The following SPRED2 variants were observed in gnomAD, a reference collection of about 807,000 sequenced individuals.
SPRED2 encodes sprouty-related, EVH1 domain-containing protein 2.
Under a neutral mutation model 43.0 loss-of-function variants are expected in SPRED2, and 47 were observed. That is an observed-to-expected ratio of 1.09 (90% CI 0.87 to 1.40). The LOEUF is 1.40. Ranked by LOEUF, SPRED2 falls within the 40% of genes most tolerant of loss-of-function variation. The pLI is 0.00. For missense variants in SPRED2, 561 were observed against 586.4 expected, an observed-to-expected ratio of 0.96 and a Z score of 0.45; for synonymous variants, 225 against 225.7, an observed-to-expected ratio of 1.00 and a Z score of 0.03.
At chr2:65,413,461 G>C (rs1414592335) in intron 1 of SPRED2, among the ~76,000 whole-genome samples, 1 of 152,204 alleles carries the variant, frequency 6.6e-6, no homozygotes, top group Non-Finnish European at 1.5e-5. Flanking sequence ...CCAGGATAAT[G>C]TTTGGCCAAC....
In SPRED2 at chr2:65,378,600, T is replaced by C. The variant is rs138366939; in HGVS notation, c.27-33704A>G. On this transcript the variant is annotated intron_variant, in intron 1 of 5. Coordinates refer to ENST00000356388, the MANE Select transcript of SPRED2 (RefSeq NM_181784.3). Reference sequence around the variant, plus strand: ...CTATATGCCACTGAGACCTCACTAGTGACCAGAACAGGCAGTGTGGCCCCA... The same window carrying C: ...CTATATGCCACTGAGACCTCACTAGCGACCAGAACAGGCAGTGTGGCCCCA... Among the ~76,000 whole-genome samples the C allele has an allele frequency of 1.6e-3, 237 of 152,320 alleles. 2 individuals are homozygous for C. In the East Asian group the frequency reaches 0.044, roughly 28 times the overall value.
At chr2:65,416,772 T>C (rs553134716) in intron 1 of SPRED2, among the ~76,000 whole-genome samples, 2 of 152,268 alleles carry the variant, frequency 1.3e-5, no homozygotes, top group Admixed American at 6.5e-5. Context: ...CTGTGGGACC[T>C]TGGGCTCTCC....
chr2:65,422,343 T>G (rs746917581), intron 1 of SPRED2, among the ~76,000 whole-genome samples: 1 of 152,046 alleles, frequency 6.6e-6, no homozygotes, highest in Non-Finnish European at 1.5e-5. Flanking sequence ...GGAAAACAAC[T>G]CTAGTTAGTA....
Position 65,314,130 on chromosome 2 carries a change from C to T in SPRED2, c.628G>A (p.Asp210Asn), listed in dbSNP as rs1171746264. The T allele has an allele frequency of 1.9e-6, 3 of 1,603,658 alleles. No individual in the cohort carries two copies. The highest frequency in any genetic ancestry group is 2.2e-5 in the South Asian group (2 of 90,770). Residue 210 changes from aspartate (D) to asparagine (N), a missense_variant, in exon 6 of 6, where the codon GAC (aspartate) becomes AAC (asparagine). By Grantham distance (23) the Asp-to-Asn change is conservative. This residue lies in a region of SPRED2 where 305 missense variants were observed against 282.4 expected (regional missense o/e 1.08). Transcript: ENST00000356388. The part of the protein sequence containing the change: ...RPYRQVSFPD[D>N]DEEIVRINPR... ...TTGATGCGCACGATCTCCTCGTCGT[C>T]GTCCGGGAAGCTCACCTGGCGGTAG... is the stretch of plus-strand genomic sequence containing the variant.
intron 1 of SPRED2, among the ~76,000 whole-genome samples, chr2:65,422,038 A>AT (rs1676435801): frequency 6.7e-6 from 1 of 149,730 alleles, no homozygotes; most frequent in Non-Finnish European, 1.5e-5. Flanking sequence ...GGTTGGACAT[A>AT]TTCCATCCAT....
intron 1 of SPRED2, among the ~76,000 whole-genome samples, chr2:65,401,484 T>C (rs72824316): frequency 0.015 from 2,264 of 151,928 alleles, 69 homozygotes; most frequent in East Asian, 0.078. Context: ...GTACAAAGAC[T>C]TATAAGTAGT....
At chr2:65,407,353 G>A (rs1302485585) in intron 1 of SPRED2, among the ~76,000 whole-genome samples, 2 of 149,942 alleles carry the variant, frequency 1.3e-5, no homozygotes, top group African/African-American at 4.9e-5. Context: ...AGGAAACTGA[G>A]GTGGCTGCAG....
intron 1 of SPRED2, among the ~76,000 whole-genome samples, chr2:65,395,959 A>G (rs755148055): frequency 3.9e-5 from 6 of 151,956 alleles, no homozygotes; most frequent in African/African-American, 2.4e-5. Context: ...TTTCTCTTCA[A>G]ATATCTTTTG....
intron 1 of SPRED2, among the ~76,000 whole-genome samples, chr2:65,358,245 C>T (rs77035211): frequency 0.019 from 2,900 of 152,106 alleles, 82 homozygotes; most frequent in African/African-American, 0.066. Flanking sequence ...TTTGAAAAAG[C>T]AAGAAAATGA....
intron 4 of SPRED2, among the ~76,000 whole-genome samples, chr2:65,327,936 C>G (rs142828630): frequency 6.6e-6 from 1 of 151,804 alleles, no homozygotes; most frequent in African/African-American, 2.4e-5. Flanking sequence ...GTTGGCCAGG[C>G]TGGTCTTGAA....
chr2:65,322,590 G>A (rs1673465393), intron 4 of SPRED2, among the ~76,000 whole-genome samples: 1 of 152,044 alleles, frequency 6.6e-6, no homozygotes, highest in Admixed American at 6.6e-5. Flanking sequence ...ACCGTGCCCG[G>A]CCTCCTTTCC....
At chr2:65,421,678 C>A (rs554923500) in intron 1 of SPRED2, among the ~76,000 whole-genome samples, 4 of 152,124 alleles carry the variant, frequency 2.6e-5, no homozygotes, top group Non-Finnish European at 5.9e-5. Context: ...TATCTCAGTA[C>A]AGAAAAGGCC....
chr2:65,338,303 CG>C lies in SPRED2; in HGVS notation c.205-3531del, dbSNP rs1411376017. 9.5e-5 allele frequency among the ~76,000 whole-genome samples: 9 copies of C among 94,576 alleles called. 1 individual carries two copies. The highest frequency in any genetic ancestry group is 1.7e-4 in the Non-Finnish European group (7 of 42,098). 62.0% of individuals were successfully genotyped at this position (94,576 alleles called of 152,430 possible). A position where few individuals can be genotyped will look rare whatever the true frequency, so the allele number is the denominator to read the frequency against. ...CTCTCCCGTCTCCCTCTCCCTCTCC[CG>C]TCTCCCTCTCCCTCTCCTTTCCACG... On this transcript the variant is annotated intron_variant, in intron 2 of 5. Coordinates refer to ENST00000356388, the MANE Select transcript of SPRED2 (RefSeq NM_181784.3).
chr2:65,377,865 A>T (rs1041011406), intron 1 of SPRED2: 11 of 371,486 alleles, frequency 3.0e-5, no homozygotes, highest in African/African-American at 2.1e-4. Flanking sequence ...AGGAAATTCT[A>T]AGCTGTCCAC....
At chr2:65,368,180 C>T (rs1353651486) in intron 1 of SPRED2, among the ~76,000 whole-genome samples, 1 of 152,182 alleles carries the variant, frequency 6.6e-6, no homozygotes, top group Non-Finnish European at 1.5e-5. Context: ...AGGTTCACAC[C>T]TCAGCAAACA....
At chr2:65,431,930 G>A (rs1369970917) in intron 1 of SPRED2, 32 bp downstream of exon 1, 2 of 1,613,228 alleles carry the variant, frequency 1.2e-6, no homozygotes, top group Admixed American at 1.7e-5. Context: ...CCCCTGAGGG[G>A]CACCCTCGTC....
At chr2:65,377,726 C>T (rs1224270975) in intron 1 of SPRED2, 1 of 471,126 alleles carries the variant, frequency 2.1e-6, no homozygotes. Context: ...GTTGGCTGGT[C>T]CTTCCATCAG....
At chr2:65,308,090 T>TG (rs1446399608), downstream of SPRED2, among the ~76,000 whole-genome samples, 1 of 152,184 alleles carries the variant, frequency 6.6e-6, no homozygotes, top group Non-Finnish European at 1.5e-5. Flanking sequence ...CCTGATTTTC[T>TG]GGGGGGTGTC....
rs113081105 is a variant in SPRED2, at chr2:65,363,005, GTTTTTTT to G, written c.27-18116_27-18110del. 2.7e-3 allele frequency among the ~76,000 whole-genome samples: 322 copies of G among 121,110 alleles called. 4 individuals carry two copies. Among genetic ancestry groups the G allele is most frequent in the African/African-American group, 1.0e-2 (308 of 30,936 alleles). The allele number at this position is 121,110 out of a possible 152,430, so 79.5% of individuals were successfully genotyped here. On this transcript the variant is annotated intron_variant, in intron 1 of 5. Transcript: ENST00000356388. ...GCTTTCTCTATGGTCATCATGTTTT[GTTTTTTT>G]TTTTTTTTTTTTTTTTTGAAAGGTT...
Sources: gnomAD v4.1 joint callset for allele counts (sites outside exome capture counted in the v4.1 genomes callset) on GRCh38, gnomAD v4.1.1 for gene constraint, gnomAD v4.1.1 regional missense constraint, MANE v1.5 for transcripts, NCBI Gene and HGNC (gene_info 2026-07-23, HGNC 2026-07-21) for gene names.